The following ATP12A variants were observed in gnomAD, a reference collection of about 807,000 sequenced individuals.
The protein encoded by ATP12A is potassium-transporting ATPase alpha chain 2.
ATP12A carries 81 observed loss-of-function variants against 111.2 expected under a neutral mutation model. That is an observed-to-expected ratio of 0.73 (90% CI 0.61 to 0.88). The LOEUF (loss-of-function observed/expected upper bound fraction) is 0.88. ATP12A is among the 40% of genes least tolerant of loss of function. The probability of loss-of-function intolerance (pLI) is 0.00; values close to 1 mark genes in which losing one functional copy is unlikely to be tolerated. For missense variants in ATP12A, 1,196 were observed against 1,313.1 expected (o/e 0.91, Z 1.38); for synonymous variants, 498 against 499.8 (o/e 1.00, Z 0.05).
At chr13:24,688,986 T>C (rs2070809) in intron 4 of ATP12A, among the ~76,000 whole-genome samples, 35,520 of 151,850 alleles carry the variant, frequency 0.23, 4,618 homozygotes, top group East Asian at 0.47. Context: ...TGCCAGGGCA[T>C]GGGACAGGAG....
chr13:24,700,947 G>A, intron 13 of ATP12A, 25 bp downstream of exon 13: 1 of 1,609,272 alleles, frequency 6.2e-7, no homozygotes, highest in Non-Finnish European at 8.5e-7. Flanking sequence ...CCTGACTCAA[G>A]AAGTTCTTTC....
chr13:24,681,996 G>C (rs1426592799), intron 2 of ATP12A, among the ~76,000 whole-genome samples: 1 of 121,128 alleles, frequency 8.3e-6, no homozygotes, highest in East Asian at 2.3e-4. Context: ...TGTGTATGGT[G>C]TGTGGTGTGT....
chr13:24,689,501 C>T lies in ATP12A; in HGVS notation c.546+126C>T, dbSNP rs571831883. On this transcript the variant is annotated intron_variant, in intron 5 of 22. Coordinates refer to ENST00000381946, the MANE Select transcript of ATP12A (RefSeq NM_001676.7). The stretch of plus-strand genomic sequence containing the variant: ...CCTTCCCTGTCGGAGCAATCGTGGG[C>T]GAATTAACCCATCTGTCAGAACCCC... The T allele has an allele frequency of 1.3e-4, 100 of 763,634 alleles. No individual in the cohort carries two copies. In the South Asian group the frequency reaches 1.4e-3, roughly 11 times the overall value. 47.3% of individuals were successfully genotyped at this position (763,634 alleles called of 1,614,324 possible).
rs1593146770 is a variant in ATP12A at position 24,712,142 on chromosome 13, G to C, written c.*620G>C. Reference sequence around the variant, plus strand: ...GCCACGCCACCCCATCCCACCTCTGGTCATCTCCCCAGCCCTTTATGCCCC... The same window carrying C: ...GCCACGCCACCCCATCCCACCTCTGCTCATCTCCCCAGCCCTTTATGCCCC... On this transcript the variant is annotated 3_prime_UTR_variant, in exon 23 of 23. Coordinates refer to ENST00000381946, the MANE Select transcript of ATP12A (RefSeq NM_001676.7). 1 of 154,922 alleles carries C rather than the reference G, an allele frequency of 6.5e-6. No individual in the cohort carries two copies. The highest frequency in any genetic ancestry group is 1.9e-4 in the East Asian group (1 of 5,252). The allele number at this position is 154,922 out of a possible 1,614,324, so 9.6% of individuals were successfully genotyped here. A position where few individuals can be genotyped will look rare whatever the true frequency, so the allele number is the denominator to read the frequency against.
Position 24,680,674 on chromosome 13 carries a change from C to G in ATP12A, c.-70C>G, listed in dbSNP as rs924779243. 1.3e-6 allele frequency: 2 copies of G among 1,490,560 alleles called. No homozygotes were observed. The highest frequency in any genetic ancestry group is 2.9e-5 in the African/African-American group (2 of 68,394). The allele number at this position is 1,490,560 out of a possible 1,614,324, so 92.3% of individuals were successfully genotyped here. A position where few individuals can be genotyped will look rare whatever the true frequency, so the allele number is the denominator to read the frequency against. On this transcript the variant is annotated 5_prime_UTR_variant, in exon 1 of 23. Coordinates refer to ENST00000381946, the MANE Select transcript of ATP12A (RefSeq NM_001676.7). The stretch of plus-strand genomic sequence containing the variant: ...TGCCACAGCCACACGAGGCCCCCCA[C>G]CGTGCGCTCCGCCGCTGCGGTCCCG...
chr13:24,690,799 C>A, intron 7 of ATP12A, 78 bp downstream of exon 7: 1 of 1,466,068 alleles, frequency 6.8e-7, no homozygotes, highest in Non-Finnish European at 9.3e-7. Flanking sequence ...CTGTCCTTTG[C>A]CACACCCCGT....
At chr13:24,706,896 G>A (rs1336399911) in intron 15 of ATP12A, 127 bp from the exon 16 acceptor site, 2 of 1,017,414 alleles carry the variant, frequency 2.0e-6, no homozygotes, top group African/African-American at 3.2e-5. Flanking sequence ...TCCCCTAAAT[G>A]GGCCTTTCCG....
chr13:24,686,139 G>A (rs187921766), intron 3 of ATP12A, among the ~76,000 whole-genome samples: 32 of 152,296 alleles, frequency 2.1e-4, no homozygotes, highest in African/African-American at 7.5e-4. Context: ...CTGAAATAAT[G>A]TCGAAAGACA....
rs1875714244 is a variant in ATP12A, at chr13:24,707,337, T to C, written c.2397T>C (p.Ile799=). The change falls in exon 17 of 23, where the codon ATT becomes ATC. Residue 799 remains isoleucine, a synonymous_variant. Transcript: ENST00000381946. ...KTIAYSLTKN[I]AELCPFLIYI... is the part of the protein sequence containing the mutation. ...TTGCTTATTCCCTGACCAAGAACAT[T>C]GCCGAGCTGTGCCCCTTTCTGATCT... The C allele has an allele frequency of 6.2e-7, 1 of 1,614,204 alleles. No individual in the cohort carries two copies. Among genetic ancestry groups the C allele is most frequent in the Non-Finnish European group, 8.5e-7 (1 of 1,180,036 alleles).
At chr13:24,693,514 T>C (rs1396303675) in intron 10 of ATP12A, among the ~76,000 whole-genome samples, 1 of 152,206 alleles carries the variant, frequency 6.6e-6, no homozygotes, top group East Asian at 1.9e-4. Context: ...AATGCTCTTT[T>C]TGGCCAATTG....
In ATP12A at chr13:24,709,829, G is replaced by A; in HGVS notation, c.2763+1G>A. 6.2e-7 allele frequency: 1 copy of A among 1,613,964 alleles called. No individual in the cohort carries two copies. The highest frequency in any genetic ancestry group is 2.2e-5 in the East Asian group (1 of 44,870). ...GAAAGACAGCTATGGGCAGGAATGG[G>A]TGAGTGGCGGGAGCCCTGCTGCAGA... On this transcript the variant is annotated splice_donor_variant, in intron 19 of 22. Coordinates refer to ENST00000381946, the MANE Select transcript of ATP12A (RefSeq NM_001676.7). LOFTEE classifies it high-confidence loss of function.
chr13:24,709,134 C>G (rs1172776380), intron 17 of ATP12A, among the ~76,000 whole-genome samples: 1 of 151,732 alleles, frequency 6.6e-6, no homozygotes, highest in Non-Finnish European at 1.5e-5. Context: ...TTATAACCAG[C>G]ATCCTTCAGA....
At chr13:24,681,781 C>G in intron 2 of ATP12A, 61 bp downstream of exon 2, 3 of 1,594,082 alleles carry the variant, frequency 1.9e-6, no homozygotes, top group Non-Finnish European at 1.7e-6. Flanking sequence ...AGAGCTTGCC[C>G]CTAGAACCCA....
chr13:24,683,528 C>T (rs1011661004), intron 2 of ATP12A, among the ~76,000 whole-genome samples: 9 of 152,206 alleles, frequency 5.9e-5, no homozygotes, highest in African/African-American at 2.2e-4. Context: ...GCAAACTCTA[C>T]AAATCCGAGC....
At position 24,702,193 on chromosome 13, in the gene ATP12A, T is replaced by C. The variant is rs2137713881; in HGVS notation, c.2018+122T>C. The C allele has an allele frequency of 3.8e-6, 5 of 1,315,410 alleles. No homozygotes were observed. In the East Asian group the frequency reaches 1.2e-4, roughly 31 times the overall value. 81.5% of individuals were successfully genotyped at this position (1,315,410 alleles called of 1,614,324 possible). On this transcript the variant is annotated intron_variant, in intron 14 of 22. Coordinates refer to ENST00000381946, the MANE Select transcript of ATP12A (RefSeq NM_001676.7). ...GCTCTCAGAGTTATGCTAGGCTTGT[T>C]TGAGCTATTATTTGCATATCCATGT... is the stretch of plus-strand genomic sequence containing the variant.
intron 8 of ATP12A, 107 bp from the exon 9 acceptor site, chr13:24,692,322 C>T (rs1874939089): frequency 1.6e-6 from 2 of 1,237,606 alleles, no homozygotes; most frequent in Non-Finnish European, 2.3e-6. Flanking sequence ...AAAACTAGTC[C>T]AGCTCTCTCC....
rs1208286477 is a variant in ATP12A, at chr13:24,691,105, A to G, written c.923A>G (p.His308Arg). Reference sequence around the variant, plus strand: ...GCCATTGAGATCGAGCACTTTGTTCACATTGTGGCAGGAGTGGCTGTCTCC... The same window carrying G: ...GCCATTGAGATCGAGCACTTTGTTCGCATTGTGGCAGGAGTGGCTGTCTCC... ...PIAIEIEHFV[H>R]IVAGVAVSIG... The change falls in exon 8 of 23, where the codon CAC (histidine) becomes CGC (arginine). Residue 308 changes from histidine (H) to arginine (R), a missense_variant. Transcript: ENST00000381946. 1 of 1,614,230 alleles carries G rather than the reference A, an allele frequency of 6.2e-7. No homozygotes were observed.
intron 9 of ATP12A, 44 bp from the exon 10 acceptor site, chr13:24,692,743 C>A (rs369272793): frequency 6.2e-7 from 1 of 1,604,868 alleles, no homozygotes; most frequent in African/African-American, 1.3e-5. Flanking sequence ...TCATGGACGG[C>A]CAGCCCAACC....
chr13:24,690,622 A>C lies in ATP12A; in HGVS notation c.700A>C (p.Thr234Pro). Reference protein sequence around the residue: ...QGCRVDNSSLTGESEPQPRSS... With the variant: ...QGCRVDNSSLPGESEPQPRSS... ...CTTCTAGGTGGATAACTCATCTCTCACGGGGGAGTCTGAGCCCCAGCCCCG... is the reference window on the plus strand; with the variant it reads ...CTTCTAGGTGGATAACTCATCTCTCCCGGGGGAGTCTGAGCCCCAGCCCCG... Residue 234 changes from threonine to proline, a missense_variant, in exon 7 of 23, where the codon ACG becomes CCG. Physicochemically the swap from Thr to Pro is conservative, Grantham distance 38. Around this residue, in one of 3 missense-constraint regions of ATP12A, gnomAD observed 1,126 missense variants for 1,228.5 expected, o/e 0.92. Transcript: ENST00000381946. 6.2e-7 allele frequency: 1 copy of C among 1,612,546 alleles called. No individual in the cohort carries two copies. The highest frequency in any genetic ancestry group is 8.5e-7 in the Non-Finnish European group (1 of 1,179,444).
Sources: allele counts gnomAD v4.1 joint callset (sites outside exome capture counted in the v4.1 genomes callset), GRCh38; gene constraint gnomAD v4.1.1; regional missense constraint gnomAD v4.1.1; transcripts MANE v1.5; gene names NCBI Gene and HGNC (gene_info 2026-07-23, HGNC 2026-07-21).